The following CTNNA3 variants were observed in gnomAD, a reference collection of about 807,000 sequenced individuals.
CTNNA3 encodes the protein catenin alpha 3.
Under a neutral mutation model 95.7 loss-of-function variants are expected in CTNNA3, and 76 were observed. That is an observed-to-expected ratio of 0.79 (90% CI 0.66 to 0.96). The LOEUF (loss-of-function observed/expected upper bound fraction) is 0.96, where lower values mean the gene tolerates loss of function less well. Ranked by LOEUF, CTNNA3 falls within the 40% of genes least tolerant of loss-of-function variation. The pLI is 0.00. For missense variants in CTNNA3, 1,191 were observed against 1,089.8 expected, an observed-to-expected ratio of 1.09 and a Z score of -1.31; for synonymous variants, 431 against 374.4, an observed-to-expected ratio of 1.15 and a Z score of -1.74.
intron 7 of CTNNA3, among the ~76,000 whole-genome samples, chr10:67,049,392 CA>C (rs1172511609): frequency 2.0e-5 from 3 of 152,092 alleles, no homozygotes; most frequent in Non-Finnish European, 4.4e-5. Context: ...GAACTACATA[CA>C]AAATGTAAAC....
intron 5 of CTNNA3, among the ~76,000 whole-genome samples, chr10:67,432,118 A>T (rs569880076): frequency 2.0e-4 from 31 of 152,212 alleles, no homozygotes; most frequent in Non-Finnish European, 4.0e-4. Flanking sequence ...GAAAATTTAT[A>T]TCGCTAAATG....
intron 10 of CTNNA3, among the ~76,000 whole-genome samples, chr10:66,528,673 A>G (rs941491195): frequency 1.3e-5 from 2 of 152,142 alleles, no homozygotes; most frequent in Non-Finnish European, 2.9e-5. Context: ...TCACTTCCCT[A>G]TATTTTTTAC....
chr10:67,496,236 G>A (rs1839018252), intron 5 of CTNNA3, among the ~76,000 whole-genome samples: 1 of 152,142 alleles, frequency 6.6e-6, no homozygotes, highest in Non-Finnish European at 1.5e-5. Context: ...CTTGCGGTGT[G>A]ACAGACTCCT....
intron 9 of CTNNA3, among the ~76,000 whole-genome samples, chr10:66,683,478 A>G (rs925705261): frequency 6.6e-6 from 1 of 152,188 alleles, no homozygotes; most frequent in Non-Finnish European, 1.5e-5. Flanking sequence ...TTATAGTTTA[A>G]ATTGGACTGG....
intron 5 of CTNNA3, among the ~76,000 whole-genome samples, chr10:67,309,945 A>G (rs974315645): frequency 3.3e-5 from 5 of 152,216 alleles, no homozygotes; most frequent in Non-Finnish European, 7.3e-5. Context: ...AAAAGTAGAT[A>G]TTAAAGGAGC....
intron 9 of CTNNA3, among the ~76,000 whole-genome samples, chr10:66,634,805 A>G (rs1187693322): frequency 6.6e-6 from 1 of 152,156 alleles, no homozygotes; most frequent in East Asian, 1.9e-4. Context: ...TTGTTCTGAA[A>G]AAGAGGTATC....
intron 11 of CTNNA3, among the ~76,000 whole-genome samples, chr10:66,440,625 T>G (rs1471983078): frequency 6.6e-6 from 1 of 152,142 alleles, no homozygotes; most frequent in Admixed American, 6.5e-5. Flanking sequence ...TATATGCTTT[T>G]AACCACTTCA....
chr10:67,323,035 G>T (rs1443038934), intron 5 of CTNNA3, among the ~76,000 whole-genome samples: 3 of 151,974 alleles, frequency 2.0e-5, no homozygotes, highest in African/African-American at 7.3e-5. Flanking sequence ...CAAAATGTCT[G>T]TTCATGTCAT....
intron 7 of CTNNA3, chr10:66,928,476 A>G (rs1396802336): frequency 1.3e-6 from 2 of 1,549,468 alleles, no homozygotes; most frequent in East Asian, 2.3e-5. Context: ...TGATAAAAAG[A>G]GCTCTTAAAA....
At chr10:66,912,674 T>TA (rs1340439526) in intron 7 of CTNNA3, among the ~76,000 whole-genome samples, 1 of 152,090 alleles carries the variant, frequency 6.6e-6, no homozygotes, top group Non-Finnish European at 1.5e-5. Flanking sequence ...AGAACGGTAG[T>TA]AAAAAATATT....
At chr10:65,937,570 C>T (rs1298570072) in intron 17 of CTNNA3, among the ~76,000 whole-genome samples, 1 of 151,990 alleles carries the variant, frequency 6.6e-6, no homozygotes, top group Admixed American at 6.6e-5. Context: ...GATGATATCC[C>T]CAACACCATT....
chr10:65,931,992 G>T (rs17818975), intron 17 of CTNNA3, among the ~76,000 whole-genome samples: 31,856 of 152,100 alleles, frequency 0.21, 4,008 homozygotes, highest in Middle Eastern at 0.33. Flanking sequence ...CTGTGATGTT[G>T]GTCTTTGTGT....
intron 9 of CTNNA3, among the ~76,000 whole-genome samples, chr10:66,633,555 T>C (rs932407130): frequency 1.4e-4 from 22 of 151,928 alleles, no homozygotes; most frequent in South Asian, 1.2e-3. Flanking sequence ...TGGCGGGCAC[T>C]TGTAGTCCCA....
chr10:67,218,333 T>C (rs1864482508), intron 6 of CTNNA3, among the ~76,000 whole-genome samples: 1 of 152,194 alleles, frequency 6.6e-6, no homozygotes, highest in Admixed American at 6.5e-5. Flanking sequence ...AGTGTGTATA[T>C]AGAGTGTTTC....
intron 7 of CTNNA3, among the ~76,000 whole-genome samples, chr10:67,120,045 T>C (rs10997517): frequency 0.11 from 16,245 of 151,878 alleles, 1,241 homozygotes; most frequent in Non-Finnish European, 0.17. Context: ...CAAATCTGAA[T>C]CAGACCTTAA....
At chr10:66,024,826 T>G (rs997051715) in intron 15 of CTNNA3, among the ~76,000 whole-genome samples, 1 of 152,166 alleles carries the variant, frequency 6.6e-6, no homozygotes, top group Non-Finnish European at 1.5e-5. Context: ...TCAAGAGACT[T>G]AAGAATCAGT....
At chr10:67,640,944 G>C (rs1341315245) in intron 2 of CTNNA3, among the ~76,000 whole-genome samples, 1 of 152,028 alleles carries the variant, frequency 6.6e-6, no homozygotes, top group South Asian at 2.1e-4. Context: ...CATAGGCATG[G>C]GCAAGGACTT....
At chr10:67,109,774 C>T (rs962086053) in intron 7 of CTNNA3, among the ~76,000 whole-genome samples, 2 of 152,202 alleles carry the variant, frequency 1.3e-5, no homozygotes, top group South Asian at 4.1e-4. Flanking sequence ...ATCTGGGAGG[C>T]GGAGCTTGCA....
intron 11 of CTNNA3, among the ~76,000 whole-genome samples, chr10:66,445,165 C>A (rs1228436102): frequency 1.3e-5 from 2 of 150,652 alleles, no homozygotes; most frequent in South Asian, 2.1e-4. Context: ...CAACCAGATT[C>A]ATAAAGCAAG....
Sources: gnomAD v4.1 joint callset for allele counts (sites outside exome capture counted in the v4.1 genomes callset) on GRCh38, gnomAD v4.1.1 for gene constraint, MANE v1.5 for transcripts, NCBI Gene and HGNC (gene_info 2026-07-23, HGNC 2026-07-21) for gene names.